The following ZC3H7A variants were observed in gnomAD, a reference collection of about 807,000 sequenced individuals.
ZC3H7A encodes the protein zinc finger CCCH-type containing 7A, also known as zinc finger CCCH domain-containing protein 7A.
A neutral mutation model predicts 125.5 loss-of-function variants in ZC3H7A; 44 were observed. The ratio of observed to expected loss-of-function variants is 0.35; its 90% CI spans 0.28 to 0.45. ZC3H7A has a LOEUF of 0.45. ZC3H7A is among the 20% of genes least tolerant of loss of function. The pLI is 1.00. For synonymous variants in ZC3H7A, 399 were observed against 391.2 expected (o/e 1.02, Z -0.23); for missense variants, 977 against 1,170.7 (o/e 0.83, Z 2.41).
At chr16:11,797,043 G>T (rs1422800408) in intron 1 of ZC3H7A, 81 bp downstream of exon 1, 1 of 143,386 alleles carries the variant, frequency 7.0e-6, no homozygotes, top group Admixed American at 7.3e-5. Context: ...GCGCGAGCAC[G>T]AGGCGGCGGC....
intron 13 of ZC3H7A, among the ~76,000 whole-genome samples, chr16:11,766,567 A>G (rs1869124545): frequency 6.6e-6 from 1 of 152,094 alleles, no homozygotes; most frequent in Admixed American, 6.5e-5. Flanking sequence ...CTCTGTCACA[A>G]AAAATTGAGA....
intron 21 of ZC3H7A, among the ~76,000 whole-genome samples, chr16:11,755,438 T>C (rs1280153128): frequency 1.3e-5 from 2 of 152,170 alleles, no homozygotes; most frequent in Non-Finnish European, 2.9e-5. Flanking sequence ...TTTTGAAATT[T>C]TTAAAAGAAA....
chr16:11,764,215 C>T (rs867706054), intron 15 of ZC3H7A, among the ~76,000 whole-genome samples: 1 of 152,158 alleles, frequency 6.6e-6, no homozygotes, highest in African/African-American at 2.4e-5. Context: ...GAGTTCGAAA[C>T]CAGCCTGGCC....
In ZC3H7A at chr16:11,765,404, G is replaced by A. The variant is rs1211461266; in HGVS notation, c.1719+85C>T. 19 of 910,450 alleles carry A rather than the reference G, an allele frequency of 2.1e-5. No individual in the cohort carries two copies. The highest frequency in any genetic ancestry group is 2.2e-5 in the Non-Finnish European group (14 of 624,174). The allele number at this position is 910,450 out of a possible 1,614,324, so 56.4% of individuals were successfully genotyped here. A position where few individuals can be genotyped will look rare whatever the true frequency, so the allele number is the denominator to read the frequency against. On this transcript the variant is annotated intron_variant, in intron 14 of 22. Transcript: ENST00000355758. This position sits in a 1 kb window ranked among gnomAD's most constrained non-coding sequence, Gnocchi z 4.8. ...AAATGAATATTTATTCATTTACCAAGTGAATGTTTTATCACATGGCAGGAC... is the reference window on the plus strand; with the variant it reads ...AAATGAATATTTATTCATTTACCAAATGAATGTTTTATCACATGGCAGGAC...
chr16:11,778,069 T>C (rs1016265074), intron 4 of ZC3H7A, among the ~76,000 whole-genome samples: 2 of 151,162 alleles, frequency 1.3e-5, no homozygotes, highest in African/African-American at 4.9e-5. Context: ...AAAAAGCACT[T>C]CAAAAGCTTT....
chr16:11,780,593 A>G lies in ZC3H7A; in HGVS notation c.108+832T>C, dbSNP rs569977903. Reference sequence around the variant, plus strand: ...AACAAAACTCGTGACATGCCACTTAACATCTTTAGACCCCAGGTCCACGTG... The same window carrying G: ...AACAAAACTCGTGACATGCCACTTAGCATCTTTAGACCCCAGGTCCACGTG... On this transcript the variant is annotated intron_variant, in intron 3 of 22. Coordinates refer to ENST00000355758, the MANE Select transcript of ZC3H7A (RefSeq NM_014153.4). 8.0e-4 allele frequency among the ~76,000 whole-genome samples: 122 copies of G among 152,318 alleles called. 1 individual carries two copies. Among genetic ancestry groups the G allele is most frequent in the Middle Eastern group, 3.4e-3 (1 of 294 alleles).
At chr16:11,754,127 A>G (rs1477472502) in intron 21 of ZC3H7A, among the ~76,000 whole-genome samples, 2 of 151,500 alleles carry the variant, frequency 1.3e-5, no homozygotes, top group East Asian at 4.0e-4. Flanking sequence ...CCCCATCTCT[A>G]CAAAAAATAC....
Position 11,774,349 on chromosome 16 carries a change from C to T in ZC3H7A, c.790G>A (p.Gly264Arg). The T allele has an allele frequency of 6.2e-7, 1 of 1,614,050 alleles. No individual in the cohort carries two copies. The highest frequency in any genetic ancestry group is 8.5e-7 in the Non-Finnish European group (1 of 1,179,976). The change falls in exon 9 of 23, where the codon GGA (glycine) becomes AGA (arginine). Residue 264 changes from glycine to arginine, a missense_variant. Transcript: ENST00000355758. ...TCTGGCATAGTGAAGGGCATCTTTC[C>T]TCCATTTGCCAGCACTGCAGATGGC... The part of the protein sequence containing the change: ...ALPSAVLANG[G>R]KMPFTMPEAF...
In ZC3H7A at chr16:11,771,241, G is replaced by A. The variant is rs551506321; in HGVS notation, c.904-254C>T. ...CATCTCCACTAAAATACAAAACATT[G>A]GCTGTGCATGGTGGCATGCGCCTGT... On this transcript the variant is annotated intron_variant, in intron 9 of 22. Transcript: ENST00000355758. Among the ~76,000 whole-genome samples the A allele has an allele frequency of 1.3e-5, 2 of 151,930 alleles. 1 individual carries two copies. Among genetic ancestry groups the A allele is most frequent in the East Asian group, 3.9e-4 (2 of 5,104 alleles).
chr16:11,793,089 A>G (rs1310122959), intron 1 of ZC3H7A, among the ~76,000 whole-genome samples: 6 of 152,196 alleles, frequency 3.9e-5, no homozygotes, highest in African/African-American at 1.2e-4. Context: ...TCCACCCAGA[A>G]CATAATGTAT....
Position 11,774,988 on chromosome 16 carries a change from A to G in ZC3H7A, c.611T>C (p.Ile204Thr), listed in dbSNP as rs1272661710. Residue 204 changes from isoleucine (I) to threonine (T), a missense_variant, in exon 8 of 23, where the codon ATT (isoleucine) becomes ACT (threonine). By Grantham distance (89) the Ile-to-Thr change is moderately conservative. This residue lies in a region of ZC3H7A where 199 missense variants were observed against 256.1 expected (regional missense o/e 0.78). Coordinates refer to ENST00000355758, the MANE Select transcript of ZC3H7A (RefSeq NM_014153.4). ...TKALNHSVED[I>T]EPDLLTPRQE... ...GATATGTGAAAACATACCTGGCTCAATATCTTCCACAGAATGGTTCAAAGC... is the reference window on the plus strand; with the variant it reads ...GATATGTGAAAACATACCTGGCTCAGTATCTTCCACAGAATGGTTCAAAGC... 2.5e-6 allele frequency: 4 copies of G among 1,614,096 alleles called. No homozygotes were observed. The highest frequency in any genetic ancestry group is 1.3e-5 in the African/African-American group (1 of 74,946).
At chr16:11,786,666 A>G (rs919557865) in intron 1 of ZC3H7A, among the ~76,000 whole-genome samples, 4 of 152,222 alleles carry the variant, frequency 2.6e-5, no homozygotes, top group African/African-American at 4.8e-5. Context: ...TAGGATCACA[A>G]TATCAGGCAA....
intron 1 of ZC3H7A, among the ~76,000 whole-genome samples, chr16:11,787,697 G>C (rs2053279989): frequency 6.6e-6 from 1 of 152,152 alleles, no homozygotes; most frequent in Non-Finnish European, 1.5e-5. Flanking sequence ...TGTAATCCCA[G>C]CACTTTGGGA....
intron 1 of ZC3H7A, among the ~76,000 whole-genome samples, chr16:11,789,608 C>G (rs1159514859): frequency 6.6e-6 from 1 of 152,184 alleles, no homozygotes; most frequent in Non-Finnish European, 1.5e-5. Flanking sequence ...CTGTACCCCA[C>G]TGTCTTTATG....
intron 1 of ZC3H7A, chr16:11,782,867 G>C (rs549199494): frequency 1.3e-5 from 2 of 155,012 alleles, no homozygotes; most frequent in Non-Finnish European, 2.9e-5. Flanking sequence ...CACCTACCTC[G>C]GCCTCCCAAA....
chr16:11,761,902 A>T lies in ZC3H7A; in HGVS notation c.2213+8T>A, dbSNP rs1027800620. 6.2e-7 allele frequency: 1 copy of T among 1,611,416 alleles called. No individual in the cohort carries two copies. The highest frequency in any genetic ancestry group is 2.2e-5 in the East Asian group (1 of 44,828). On this transcript the variant is annotated splice_region_variant and intron_variant, in intron 18 of 22. Transcript: ENST00000355758. The stretch of plus-strand genomic sequence containing the variant: ...AAAATAGGAATTGTTTCCACACACA[A>T]TACTTACGAATGCCTTGCTTTTGCA...
intron 11 of ZC3H7A, 91 bp downstream of exon 11, chr16:11,768,940 G>A: frequency 7.7e-7 from 1 of 1,295,546 alleles, no homozygotes; most frequent in Non-Finnish European, 1.1e-6. Context: ...AAATTTAAGG[G>A]AGACTGTCAT....
At chr16:11,761,749 C>T (rs1173966335) in intron 18 of ZC3H7A, 161 bp downstream of exon 18, 8 of 1,014,420 alleles carry the variant, frequency 7.9e-6, no homozygotes, top group East Asian at 2.6e-5. Flanking sequence ...TTCTTATCTA[C>T]TAGGTCCTAA....
rs188907684 is a variant in ZC3H7A, at chr16:11,771,728, T to G, written c.904-741A>C. On this transcript the variant is annotated intron_variant, in intron 9 of 22. Transcript: ENST00000355758. Reference sequence around the variant, plus strand: ...GTTGGCCAGGCTGGTCTCAAACTCCTGACCTGAAGTGATCCAACCGCCTAG... The same window carrying G: ...GTTGGCCAGGCTGGTCTCAAACTCCGGACCTGAAGTGATCCAACCGCCTAG... 3.3e-5 allele frequency among the ~76,000 whole-genome samples: 5 copies of G among 152,182 alleles called. No homozygotes were observed. The South Asian group carries it at 1.0e-3, about 32-fold the overall frequency.
Sources: allele counts gnomAD v4.1 joint callset (sites outside exome capture counted in the v4.1 genomes callset), GRCh38; gene constraint gnomAD v4.1.1; regional missense constraint gnomAD v4.1.1; non-coding constraint Gnocchi (gnomAD v3.1); transcripts MANE v1.5; gene names NCBI Gene and HGNC (gene_info 2026-07-23, HGNC 2026-07-21).